The following SASH1 variants were observed in gnomAD, a reference collection of about 807,000 sequenced individuals.
SASH1 encodes the protein SAM and SH3 domain containing 1.
Under a neutral mutation model 125.2 loss-of-function variants are expected in SASH1, and 44 were observed. That is an observed-to-expected ratio of 0.35 (90% CI 0.28 to 0.45). The LOEUF is 0.45. Among genes scored for constraint, SASH1 ranks in the 20% least tolerant of loss-of-function variants. SASH1 has a pLI of 1.00. For missense variants in SASH1, 1,426 were observed against 1,614.5 expected (o/e 0.88, Z 2.00); for synonymous variants, 639 against 649.1 (o/e 0.98, Z 0.24).
chr6:148,465,585 G>C (rs1777796902), intron 4 of SASH1, among the ~76,000 whole-genome samples: 2 of 151,904 alleles, frequency 1.3e-5, no homozygotes, highest in South Asian at 2.1e-4. Context: ...TAGTCCTTAG[G>C]GTGAGGACAA....
At chr6:148,390,351 C>T in intron 2 of SASH1, 89 bp downstream of exon 2, 1 of 1,302,094 alleles carries the variant, frequency 7.7e-7, no homozygotes, top group Non-Finnish European at 1.1e-6. Context: ...GCTAGCTCTT[C>T]CTGGGGTATC....
At chr6:148,305,368 G>A (rs1780098023) in intron 1 of SASH1, among the ~76,000 whole-genome samples, 1 of 151,454 alleles carries the variant, frequency 6.6e-6, no homozygotes, top group Non-Finnish European at 1.5e-5. Context: ...AGCACTTCGG[G>A]AAACCGAGGC....
chr6:148,197,213 A>G, the SASH1 span, among the ~76,000 whole-genome samples: 3 of 152,226 alleles, frequency 2.0e-5, no homozygotes. Flanking sequence ...GGACCTACAC[A>G]TGAGATGGCA....
chr6:148,293,820 A>G (rs1779696983), intron 1 of SASH1, among the ~76,000 whole-genome samples: 1 of 152,178 alleles, frequency 6.6e-6, no homozygotes, highest in African/African-American at 2.4e-5. Context: ...ACCTTAGAAC[A>G]ACTATGCCAG....
At chr6:148,200,619 C>A in the SASH1 span, among the ~76,000 whole-genome samples, 2 of 152,288 alleles carry the variant, frequency 1.3e-5, no homozygotes, top group Admixed American at 6.5e-5. Flanking sequence ...TCTTGGCTCT[C>A]CTTTAGTAGT....
chr6:148,319,181 C>G (rs1045602541), intron 1 of SASH1, among the ~76,000 whole-genome samples: 1 of 151,606 alleles, frequency 6.6e-6, no homozygotes, highest in Non-Finnish European at 1.5e-5. Context: ...CACAGGCGCC[C>G]ACCACCACGT....
intron 1 of SASH1, among the ~76,000 whole-genome samples, chr6:148,286,750 C>T (rs556295150): frequency 2.6e-5 from 4 of 152,292 alleles, no homozygotes; most frequent in African/African-American, 4.8e-5. Flanking sequence ...TTTTAAAACT[C>T]TGTCTCCAAT....
chr6:148,416,765 A>G (rs1310575108), intron 2 of SASH1, among the ~76,000 whole-genome samples: 1 of 152,242 alleles, frequency 6.6e-6, no homozygotes, highest in African/African-American at 2.4e-5. Context: ...GGAATCATTA[A>G]GTGAGATTCA....
chr6:148,297,711 T>A (rs2128511343), intron 1 of SASH1, among the ~76,000 whole-genome samples: 1 of 152,146 alleles, frequency 6.6e-6, no homozygotes, highest in African/African-American at 2.4e-5. Flanking sequence ...GCACCTGTAG[T>A]CTCAGCTACT....
At position 148,319,022 on chromosome 6, in the gene SASH1, C is replaced by CTTTTTTTTTTTTTTTT. The variant is rs10695657; in HGVS notation, n.74+46658_74+46673dup. On this transcript the variant is annotated intron_variant and non_coding_transcript_variant, in intron 1 of 3. Coordinates refer to the SASH1 transcript ENST00000367469. ...ATATGGAAGAAGCCGCATTTATCTT[C>CTTTTTTTTTTTTTTTT]TTTTTTTTTTTTTTTTTTTTTTTTT... is the stretch of plus-strand genomic sequence containing the variant. Among the ~76,000 whole-genome samples, 19 of 66,684 alleles carry CTTTTTTTTTTTTTTTT rather than the reference C, an allele frequency of 2.8e-4. 4 individuals carry two copies. The highest frequency in any genetic ancestry group is 3.6e-4 in the African/African-American group (6 of 16,560). The allele number at this position is 66,684 out of a possible 152,430, so 43.7% of individuals were successfully genotyped here. A position where few individuals can be genotyped will look rare whatever the true frequency, so the allele number is the denominator to read the frequency against.
intron 8 of SASH1, among the ~76,000 whole-genome samples, chr6:148,498,780 T>C (rs149299059): frequency 8.5e-5 from 13 of 152,302 alleles, no homozygotes; most frequent in Non-Finnish European, 1.9e-4. Context: ...GGAACAACGC[T>C]GGGGAAGTTG....
chr6:148,544,477 G>A lies in SASH1; in HGVS notation c.3007G>A (p.Val1003Ile), dbSNP rs771133131. 1.9e-6 allele frequency: 3 copies of A among 1,614,046 alleles called. No individual in the cohort carries two copies. Among genetic ancestry groups the A allele is most frequent in the Non-Finnish European group, 1.7e-6 (2 of 1,180,038 alleles). ...ACGCCTTGCTAACGGACTCCACCCTGTTCCCATGGGCCCCAGTGGGGCCCT... is the reference window on the plus strand; with the variant it reads ...ACGCCTTGCTAACGGACTCCACCCTATTCCCATGGGCCCCAGTGGGGCCCT... ...RERLANGLHP[V>I]PMGPSGALPS... is the part of the protein sequence containing the mutation. The change falls in exon 18 of 20, where the codon GTT becomes ATT. Residue 1003 changes from valine to isoleucine, a missense_variant. By Grantham distance (29) the Val-to-Ile change is conservative (BLOSUM62 3). Coordinates refer to ENST00000367467, the MANE Select transcript of SASH1 (RefSeq NM_015278.5). The surrounding 1 kb of genome is among the most constrained non-coding windows in gnomAD (Gnocchi z 6.4).
In SASH1 at chr6:148,429,245, G is replaced by T. The variant is rs1351107295; in HGVS notation, c.286-10939G>T. 2.6e-5 allele frequency among the ~76,000 whole-genome samples: 4 copies of T among 152,058 alleles called. No individual in the cohort carries two copies. The East Asian group carries it at 7.7e-4, about 29-fold the overall frequency. ...ACACAAATTAAAGGAAGGAAGCTGG[G>T]CATGGTAGCACATACCTGTAGTCCC... On this transcript the variant is annotated intron_variant, in intron 2 of 19. Transcript: ENST00000367467.
At chr6:148,314,235 T>C (rs1780416443) in intron 1 of SASH1, among the ~76,000 whole-genome samples, 1 of 152,140 alleles carries the variant, frequency 6.6e-6, no homozygotes, top group Admixed American at 6.5e-5. Context: ...CAGCCCCACT[T>C]CCTGTGGTGA....
intron 4 of SASH1, among the ~76,000 whole-genome samples, chr6:148,449,461 C>T (rs1583179209): frequency 6.6e-6 from 1 of 150,884 alleles, no homozygotes; most frequent in African/African-American, 2.4e-5. Flanking sequence ...AATCTCGGCT[C>T]ACTGCAACCT....
intron 4 of SASH1, among the ~76,000 whole-genome samples, chr6:148,459,756 T>C (rs1284736210): frequency 6.6e-6 from 1 of 152,186 alleles, no homozygotes; most frequent in African/African-American, 2.4e-5. Flanking sequence ...GTGCTTAGCA[T>C]GTGCAGGCAT....
chr6:148,384,525 A>G (rs1783281052), intron 1 of SASH1, among the ~76,000 whole-genome samples: 2 of 152,208 alleles, frequency 1.3e-5, no homozygotes, highest in Admixed American at 6.5e-5. Flanking sequence ...GTTGAGTCAG[A>G]CGTAGATTTT....
At chr6:148,325,716 G>A (rs1780778957) in intron 1 of SASH1, among the ~76,000 whole-genome samples, 1 of 152,144 alleles carries the variant, frequency 6.6e-6, no homozygotes, top group Non-Finnish European at 1.5e-5. Flanking sequence ...TACAATTCAA[G>A]ATGAGATTTG....
intron 1 of SASH1, among the ~76,000 whole-genome samples, chr6:148,369,808 G>A (rs1330815573): frequency 2.6e-5 from 4 of 151,696 alleles, no homozygotes; most frequent in Non-Finnish European, 1.5e-5. Flanking sequence ...ACAAAAATTA[G>A]CTGGGTGTGG....
Sources: allele counts gnomAD v4.1 joint callset (sites outside exome capture counted in the v4.1 genomes callset), GRCh38; gene constraint gnomAD v4.1.1; non-coding constraint Gnocchi (gnomAD v3.1); transcripts MANE v1.5; gene names NCBI Gene and HGNC (gene_info 2026-07-23, HGNC 2026-07-21).